Variants in CCDC3 observed in about 807,000 individuals in gnomAD.
CCDC3 encodes coiled-coil domain containing 3.
CCDC3 carries 24 observed loss-of-function variants against 21.4 expected under a neutral mutation model. The ratio of observed to expected loss-of-function variants is 1.12; its 90% CI spans 0.81 to 1.58. The LOEUF (loss-of-function observed/expected upper bound fraction) is 1.58. Among genes scored for constraint, CCDC3 ranks in the 40% most tolerant of loss-of-function variants. The probability of loss-of-function intolerance (pLI) is 0.00; values close to 1 mark genes in which losing one functional copy is unlikely to be tolerated. For missense variants in CCDC3, 425 were observed against 360.9 expected (o/e 1.18, Z -1.44); for synonymous variants, 186 against 166.0 (o/e 1.12, Z -0.93).
chr10:13,047,937 G>A (rs545577046), intron 5 of CCDC3, among the ~76,000 whole-genome samples: 13 of 152,260 alleles, frequency 8.5e-5, no homozygotes, highest in African/African-American at 2.9e-4. Context: ...GGGCTTAAAG[G>A]GGGAAAGCAG....
intron 2 of CCDC3, among the ~76,000 whole-genome samples, chr10:12,947,354 G>A (rs528580140): frequency 6.6e-6 from 1 of 152,002 alleles, no homozygotes; most frequent in Admixed American, 6.5e-5. Context: ...CACCATGTTG[G>A]CCAGGCTGGT....
intron 2 of CCDC3, among the ~76,000 whole-genome samples, chr10:12,944,309 C>T (rs1184856387): frequency 2.6e-5 from 4 of 152,164 alleles, no homozygotes; most frequent in Non-Finnish European, 5.9e-5. Flanking sequence ...CTGGAGGCTT[C>T]ATCTACGTGA....
At chr10:13,065,852 C>T (rs1320714406) in intron 4 of CCDC3, among the ~76,000 whole-genome samples, 5 of 152,080 alleles carry the variant, frequency 3.3e-5, no homozygotes, top group Non-Finnish European at 7.4e-5. Context: ...AGACAGGAAC[C>T]GAGTCTCTTT....
At position 13,089,603 on chromosome 10, in the gene CCDC3, A is replaced by G. The variant is rs1257537711; in HGVS notation, c.-503+8922T>C. ...GATGCTCCCTCTTCTCTCCTCTCCA[A>G]CTTTTTATTTTCTTTCAGCACCCCC... On this transcript the variant is annotated intron_variant, in intron 3 of 6. Transcript: ENST00000378839. 4.0e-5 allele frequency among the ~76,000 whole-genome samples: 6 copies of G among 151,552 alleles called. No individual in the cohort carries two copies. In the South Asian group the frequency reaches 6.3e-4, roughly 16 times the overall value.
At chr10:12,963,010 T>C (rs1228496436) in intron 2 of CCDC3, among the ~76,000 whole-genome samples, 12 of 152,190 alleles carry the variant, frequency 7.9e-5, no homozygotes, top group Admixed American at 7.9e-4. Flanking sequence ...CATTCTTCCC[T>C]CATCAAAAGT....
At chr10:13,026,730 C>T (rs541270122) in intron 5 of CCDC3, among the ~76,000 whole-genome samples, 1 of 152,318 alleles carries the variant, frequency 6.6e-6, no homozygotes, top group Non-Finnish European at 1.5e-5. Flanking sequence ...CTAACCATTT[C>T]GTTTTTCTCC....
intron 5 of CCDC3, among the ~76,000 whole-genome samples, chr10:13,036,297 T>C (rs1407692704): frequency 6.6e-6 from 1 of 152,188 alleles, no homozygotes; most frequent in Non-Finnish European, 1.5e-5. Context: ...CCTCACTGAA[T>C]TTAACAGGTT....
rs761767272 is a variant in CCDC3, at chr10:12,898,651, A to G, written c.578T>C (p.Leu193Ser). 13 of 1,613,996 alleles carry G rather than the reference A, an allele frequency of 8.1e-6. No individual in the cohort carries two copies. Among genetic ancestry groups the G allele is most frequent in the Non-Finnish European group, 1.1e-5 (13 of 1,180,006 alleles). Reference protein sequence around the residue: ...RLMCSSVQKALFEEEDHVKKL... With the variant: ...RLMCSSVQKASFEEEDHVKKL... ...CTTGACGTGGTCCTCCTCCTCAAAC[A>G]AGGCCTTCTGCACCGAGGAGCACAT... is the stretch of plus-strand genomic sequence containing the variant. Residue 193 changes from leucine (L) to serine (S), a missense_variant, in exon 3 of 3, where the codon TTG becomes TCG. Coordinates refer to ENST00000378825, the MANE Select transcript of CCDC3 (RefSeq NM_031455.4).
At chr10:12,943,476 G>T (rs1257628872) in intron 2 of CCDC3, among the ~76,000 whole-genome samples, 1 of 152,244 alleles carries the variant, frequency 6.6e-6, no homozygotes, top group Non-Finnish European at 1.5e-5. Context: ...ACACAAGCTT[G>T]CATAGGCAAA....
intron 2 of CCDC3, among the ~76,000 whole-genome samples, chr10:12,940,927 A>G (rs1834819475): frequency 6.6e-6 from 1 of 150,846 alleles, no homozygotes; most frequent in Non-Finnish European, 1.5e-5. Context: ...CTGAGTAGGA[A>G]TTGCTGATCT....
chr10:13,095,088 A>C (rs1832614616), intron 3 of CCDC3, among the ~76,000 whole-genome samples: 1 of 152,166 alleles, frequency 6.6e-6, no homozygotes, highest in Non-Finnish European at 1.5e-5. Flanking sequence ...ATTTCAGGGA[A>C]AGGAAAGCAA....
At chr10:13,066,440 C>A (rs10796010) in intron 4 of CCDC3, among the ~76,000 whole-genome samples, 50,829 of 152,148 alleles carry the variant, frequency 0.33, 8,673 homozygotes, top group African/African-American at 0.39. Flanking sequence ...CACCTCTCCA[C>A]AGATTTTATA....
At position 13,030,603 on chromosome 10, in the gene CCDC3, C is replaced by T. The variant is rs569288140; in HGVS notation, c.-2+19071G>A. On this transcript the variant is annotated intron_variant, in intron 5 of 6. Coordinates refer to the CCDC3 transcript ENST00000378839. ...TGCTGGATTCAGGAGACCCATCTCA[C>T]ATGCAGAGACACACATAGGCTCAAG... Among the ~76,000 whole-genome samples, 3 of 152,112 alleles carry T rather than the reference C, an allele frequency of 2.0e-5. No individual in the cohort carries two copies. In the East Asian group the frequency reaches 5.8e-4, roughly 29 times the overall value.
chr10:12,982,328 C>T (rs1164985967), intron 2 of CCDC3, among the ~76,000 whole-genome samples: 2 of 151,660 alleles, frequency 1.3e-5, no homozygotes, highest in African/African-American at 4.8e-5. Context: ...ATGGTACTTG[C>T]CAGGGGCTGG....
intron 1 of CCDC3, among the ~76,000 whole-genome samples, 199 bp downstream of exon 1, chr10:13,000,998 C>T (rs1835840457): frequency 6.6e-6 from 1 of 152,132 alleles, no homozygotes; most frequent in African/African-American, 2.4e-5. Context: ...ACCGCCTTAA[C>T]CAGGGGTAGT....
chr10:13,064,341 G>C (rs1471769273), intron 4 of CCDC3, among the ~76,000 whole-genome samples: 4 of 152,102 alleles, frequency 2.6e-5, no homozygotes, highest in Admixed American at 2.6e-4. Flanking sequence ...AACAGTAGCT[G>C]GACAGCTAGA....
At chr10:12,975,150 T>A (rs184867576) in intron 2 of CCDC3, among the ~76,000 whole-genome samples, 1 of 152,188 alleles carries the variant, frequency 6.6e-6, no homozygotes, top group Admixed American at 6.5e-5. Flanking sequence ...AAATTAGTGT[T>A]GTGGGCTCAG....
chr10:12,975,236 T>TGAC (rs891751831), intron 2 of CCDC3, among the ~76,000 whole-genome samples: 32 of 152,262 alleles, frequency 2.1e-4, no homozygotes, highest in African/African-American at 7.5e-4. Context: ...GTAGGGTCTT[T>TGAC]GACGCCTCTG....
At chr10:13,046,865 C>G (rs1836536463) in intron 5 of CCDC3, among the ~76,000 whole-genome samples, 1 of 151,472 alleles carries the variant, frequency 6.6e-6, no homozygotes, top group South Asian at 2.1e-4. Context: ...GGTCTCCTCT[C>G]AAATTTCATG....
Sources: gnomAD v4.1 joint callset for allele counts (sites outside exome capture counted in the v4.1 genomes callset) on GRCh38, gnomAD v4.1.1 for gene constraint, MANE v1.5 for transcripts, NCBI Gene and HGNC (gene_info 2026-07-23, HGNC 2026-07-21) for gene names.